STIM1: variants seen among roughly 807,000 people sequenced by gnomAD.
The protein encoded by STIM1 is stromal interaction molecule 1.
Under a neutral mutation model 74.7 loss-of-function variants are expected in STIM1, and 25 were observed. The observed-to-expected ratio is 0.33, with a 90% CI of 0.24 to 0.47. The LOEUF (loss-of-function observed/expected upper bound fraction) is 0.47. Among genes scored for constraint, STIM1 ranks in the 20% least tolerant of loss-of-function variants. The pLI, the probability that STIM1 is intolerant of heterozygous loss-of-function variation, is 1.00. For synonymous variants in STIM1, 328 were observed against 348.8 expected (o/e 0.94, Z 0.66); for missense variants, 728 against 920.8 (o/e 0.79, Z 2.71).
chr11:4,088,568 T>A, intron 12 of STIM1: 1 of 761,232 alleles, frequency 1.3e-6, no homozygotes. Flanking sequence ...TCAAATTGGG[T>A]TGGGGACACT....
At chr11:3,938,094 C>T (rs555838793) in intron 1 of STIM1, among the ~76,000 whole-genome samples, 2 of 152,164 alleles carry the variant, frequency 1.3e-5, no homozygotes, top group South Asian at 2.1e-4. Context: ...CCACCACACC[C>T]AGCTAATTTA....
intron 12 of STIM1, among the ~76,000 whole-genome samples, chr11:4,090,773 G>T (rs2133260501): frequency 6.6e-6 from 1 of 152,336 alleles, no homozygotes; most frequent in South Asian, 2.1e-4. Flanking sequence ...ATTTTATTGA[G>T]GATGCCGCCT....
In STIM1 at chr11:4,008,949, A is replaced by AT. The variant is rs1382233026; in HGVS notation, c.271-14918dup. Among the ~76,000 whole-genome samples the AT allele has an allele frequency of 2.0e-5, 3 of 152,284 alleles. No individual in the cohort carries two copies. The South Asian group carries it at 6.2e-4, about 32-fold the overall frequency. Reference sequence around the variant, plus strand: ...ATTTATTCTTTGATATGGAGAATTGATTTTTTCCTTAAGTTTAAGTAAAAG... The same window carrying AT: ...ATTTATTCTTTGATATGGAGAATTGATTTTTTTCCTTAAGTTTAAGTAAAAG... On this transcript the variant is annotated intron_variant, in intron 2 of 12. Coordinates refer to ENST00000526596, the MANE Select transcript of STIM1 (RefSeq NM_001382567.1).
At chr11:3,919,320 C>A (rs1164881475) in intron 1 of STIM1, among the ~76,000 whole-genome samples, 1 of 152,126 alleles carries the variant, frequency 6.6e-6, no homozygotes, top group African/African-American at 2.4e-5. Flanking sequence ...ATTCTCCTGC[C>A]TCAGCCTCCC....
intron 2 of STIM1, among the ~76,000 whole-genome samples, chr11:3,997,235 C>A (rs1422155089): frequency 6.6e-6 from 1 of 152,132 alleles, no homozygotes; most frequent in African/African-American, 2.4e-5. Flanking sequence ...CAGAGGGATT[C>A]TCTGTATCTA....
At chr11:3,956,526 C>T (rs1478583995) in intron 1 of STIM1, among the ~76,000 whole-genome samples, 1 of 149,080 alleles carries the variant, frequency 6.7e-6, no homozygotes, top group African/African-American at 2.4e-5. Flanking sequence ...AAACTTGAAC[C>T]AGAAACATAA....
At chr11:4,052,606 T>TA (rs1218572328) in intron 3 of STIM1, among the ~76,000 whole-genome samples, 1 of 152,224 alleles carries the variant, frequency 6.6e-6, no homozygotes, top group Non-Finnish European at 1.5e-5. Flanking sequence ...ATTAAAAACT[T>TA]ACATGTTAGA....
chr11:3,906,146 T>C (rs1233492569), intron 1 of STIM1, among the ~76,000 whole-genome samples: 5 of 152,252 alleles, frequency 3.3e-5, no homozygotes, highest in African/African-American at 4.8e-5. Context: ...GCTTATCCTT[T>C]TTGACAAACT....
At chr11:4,017,625 A>G (rs1226223843) in intron 2 of STIM1, among the ~76,000 whole-genome samples, 1 of 152,186 alleles carries the variant, frequency 6.6e-6, no homozygotes, top group Non-Finnish European at 1.5e-5. Flanking sequence ...TTCTGCTCCC[A>G]AGGCTTGCTT....
rs147912041 is a variant in STIM1 at position 4,091,726 on chromosome 11, C to T, written c.2079C>T (p.Gly693=). 25 of 1,613,844 alleles carry T rather than the reference C, an allele frequency of 1.5e-5. No homozygotes were observed. Among genetic ancestry groups the T allele is most frequent in the African/African-American group, 8.0e-5 (6 of 75,048 alleles). The part of the protein sequence containing the change: ...AVAEEDNGSI[G]EETDSSPGRK... ...CTGAGGAGGATAATGGCTCTATTGG[C>T]GAGGAAACAGACTCCAGCCCAGGCC... Residue 693 remains glycine (G), a synonymous_variant, in exon 13 of 13, where the codon GGC becomes GGT. Coordinates refer to ENST00000526596, the MANE Select transcript of STIM1 (RefSeq NM_001382567.1).
intron 1 of STIM1, among the ~76,000 whole-genome samples, chr11:3,908,035 A>C (rs1483275302): frequency 6.6e-6 from 1 of 152,158 alleles, no homozygotes; most frequent in South Asian, 2.1e-4. Context: ...TACAGCATTT[A>C]TCACCATCTG....
intron 1 of STIM1, among the ~76,000 whole-genome samples, chr11:3,951,752 A>G (rs2093151258): frequency 6.6e-6 from 1 of 152,092 alleles, no homozygotes; most frequent in Admixed American, 6.5e-5. Context: ...CCACTCCAAC[A>G]CTTTCAGCAA....
At chr11:3,974,071 GC>G in intron 2 of STIM1, 1 of 704,092 alleles carries the variant, frequency 1.4e-6, no homozygotes. Context: ...CAAACCCAAA[GC>G]CCCTGGAGCA....
intron 1 of STIM1, among the ~76,000 whole-genome samples, chr11:3,939,550 T>C (rs2092978979): frequency 6.6e-6 from 1 of 152,204 alleles, no homozygotes; most frequent in Admixed American, 6.5e-5. Flanking sequence ...GTCCACAATG[T>C]TAGTCTATCC....
At chr11:4,009,414 A>G (rs905675052) in intron 2 of STIM1, among the ~76,000 whole-genome samples, 3 of 152,102 alleles carry the variant, frequency 2.0e-5, no homozygotes, top group African/African-American at 4.8e-5. Flanking sequence ...GGAGTTCGAG[A>G]CTAGCCTGGC....
intron 1 of STIM1, chr11:3,866,988 A>G (rs2090884022): frequency 6.6e-6 from 1 of 152,198 alleles, no homozygotes; most frequent in Admixed American, 6.5e-5. Context: ...AGTGCTGGTC[A>G]GAGAGTATGT....
At chr11:3,896,537 A>AG (rs1386207778) in intron 1 of STIM1, among the ~76,000 whole-genome samples, 1 of 152,224 alleles carries the variant, frequency 6.6e-6, no homozygotes, top group African/African-American at 2.4e-5. Context: ...AACACTAGGT[A>AG]GTGTCACAAG....
At chr11:4,000,306 C>T (rs2093702691) in intron 2 of STIM1, among the ~76,000 whole-genome samples, 1 of 149,880 alleles carries the variant, frequency 6.7e-6, no homozygotes, top group Admixed American at 6.7e-5. Flanking sequence ...TGACCCCGAC[C>T]CCCGAGCAGC....
intron 2 of STIM1, chr11:3,973,056 G>A: frequency 4.4e-6 from 2 of 452,666 alleles, no homozygotes; most frequent in Non-Finnish European, 8.7e-6. Flanking sequence ...CACTCCTGCT[G>A]TAGCCACTGC....
Sources: allele counts gnomAD v4.1 joint callset (sites outside exome capture counted in the v4.1 genomes callset), GRCh38; gene constraint gnomAD v4.1.1; transcripts MANE v1.5; gene names NCBI Gene and HGNC (gene_info 2026-07-23, HGNC 2026-07-21).